Variants in PPP2R1B observed in about 807,000 individuals in gnomAD.
PPP2R1B encodes the protein serine/threonine-protein phosphatase 2A 65 kDa regulatory subunit A beta isoform.
Under a neutral mutation model 72.7 loss-of-function variants are expected in PPP2R1B, and 58 were observed. The ratio of observed to expected loss-of-function variants is 0.80; its 90% CI spans 0.65 to 0.99. The LOEUF (loss-of-function observed/expected upper bound fraction) is 0.99. Among genes scored for constraint, PPP2R1B ranks in the 50% least tolerant of loss-of-function variants. The pLI is 0.00. For missense variants in PPP2R1B, 695 were observed against 733.6 expected (o/e 0.95, Z 0.61); for synonymous variants, 256 against 264.6 (o/e 0.97, Z 0.32).
downstream of PPP2R1B, chr11:111,722,088 T>C: frequency 1.8e-6 from 1 of 550,904 alleles, no homozygotes; most frequent in Non-Finnish European, 3.1e-6. This position sits in a 1 kb window ranked among gnomAD's most constrained non-coding sequence, Gnocchi z 4.4. Flanking sequence ...ACTTGGAGTT[T>C]CTAGAAACGT....
chr11:111,764,214 CTTT>C (rs369985121), intron 3 of PPP2R1B, among the ~76,000 whole-genome samples: 8 of 143,438 alleles, frequency 5.6e-5, no homozygotes, highest in South Asian at 2.3e-4. Context: ...TTTTGGTGGT[CTTT>C]TTTTTTTTTT....
rs1944774863 is a variant in PPP2R1B at position 111,748,237 on chromosome 11, C to A, written c.1339-223G>T. The stretch of plus-strand genomic sequence containing the variant: ...CATACGTGAGCTGGCATAGGCCCTG[C>A]TAGGTAAAAGAGAACAGGGTGGCCA... On this transcript the variant is annotated intron_variant, in intron 10 of 14. Coordinates refer to ENST00000527614, the MANE Select transcript of PPP2R1B (RefSeq NM_002716.5). 2.0e-5 allele frequency among the ~76,000 whole-genome samples: 3 copies of A among 152,158 alleles called. No homozygotes were observed. The South Asian group carries it at 6.2e-4, about 31-fold the overall frequency.
At chr11:111,755,590 CTTT>C (rs1167247279) in intron 5 of PPP2R1B, 140 bp from the exon 6 acceptor site, 6,270 of 444,744 alleles carry the variant, frequency 0.014, no homozygotes, top group South Asian at 0.026. Flanking sequence ...ACATCTTTTT[CTTT>C]TTTTTTTTTT....
At chr11:111,721,179 T>G in the PPP2R1B span, 1 of 1,271,108 alleles carries the variant, frequency 7.9e-7, no homozygotes, top group Admixed American at 2.8e-5. Context: ...ACAGGCTGTT[T>G]GGGAAAACCC....
intron 10 of PPP2R1B, among the ~76,000 whole-genome samples, chr11:111,748,599 G>A (rs1431371542): frequency 5.3e-5 from 8 of 152,206 alleles, no homozygotes; most frequent in African/African-American, 1.9e-4. Flanking sequence ...CTGTCAACAG[G>A]TGGCCACTTC....
chr11:111,739,893 C>T lies in PPP2R1B; in HGVS notation c.*1703G>A. On this transcript the variant is annotated 3_prime_UTR_variant, in exon 15 of 15. Coordinates refer to ENST00000527614, the MANE Select transcript of PPP2R1B (RefSeq NM_002716.5). ...CCCAAAGTCATAAAATAGAAACTTA[C>T]TATAAGGTAATTTGGCAGTTTAAAA... 3.1e-6 allele frequency: 3 copies of T among 981,568 alleles called. No homozygotes were observed. The highest frequency in any genetic ancestry group is 3.6e-6 in the Non-Finnish European group (3 of 826,498). The allele number at this position is 981,568 out of a possible 1,614,324, so 60.8% of individuals were successfully genotyped here. A position where few individuals can be genotyped will look rare whatever the true frequency, so the allele number is the denominator to read the frequency against.
downstream of PPP2R1B, chr11:111,724,205 TA>T (rs1196867178): frequency 6.6e-7 from 1 of 1,517,302 alleles, no homozygotes; most frequent in Non-Finnish European, 8.8e-7. Flanking sequence ...CTTTTAAATT[TA>T]AAGCTTATTT....
downstream of PPP2R1B, chr11:111,723,780 C>T (rs1222749548): frequency 6.2e-6 from 10 of 1,614,014 alleles, no homozygotes; most frequent in Non-Finnish European, 8.5e-6. Context: ...CCCCGGGCTG[C>T]TCCTCCTCTG....
intron 5 of PPP2R1B, 141 bp from the exon 6 acceptor site, chr11:111,755,591 T>A: frequency 2.4e-5 from 3 of 123,444 alleles, no homozygotes; most frequent in Non-Finnish European, 4.2e-5. Flanking sequence ...CATCTTTTTC[T>A]TTTTTTTTTT....
At chr11:111,745,124 TC>T (rs1162193353) in intron 11 of PPP2R1B, among the ~76,000 whole-genome samples, 3 of 146,500 alleles carry the variant, frequency 2.0e-5, no homozygotes, top group Non-Finnish European at 4.5e-5. Flanking sequence ...AGATCTCGGC[TC>T]ACTGCAACCT....
At chr11:111,688,227 C>G in the PPP2R1B span, 1 of 1,534,582 alleles carries the variant, frequency 6.5e-7, no homozygotes, top group Admixed American at 1.7e-5. The surrounding 1 kb of genome is among the most constrained non-coding windows in gnomAD (Gnocchi z 4.2). Flanking sequence ...TGTGTGGAAA[C>G]AGACCTGCAG....
chr11:111,746,369 C>T (rs940279142), intron 11 of PPP2R1B, among the ~76,000 whole-genome samples: 4 of 152,020 alleles, frequency 2.6e-5, no homozygotes, highest in Admixed American at 6.6e-5. Context: ...CAAATTAACG[C>T]GGGAACAGAA....
At chr11:111,714,699 CAAG>C in the PPP2R1B span, among the ~76,000 whole-genome samples, 1 of 152,180 alleles carries the variant, frequency 6.6e-6, no homozygotes, top group Non-Finnish European at 1.5e-5. Flanking sequence ...AGGGCAGATT[CAAG>C]AAGGCCGACC....
intron 5 of PPP2R1B, among the ~76,000 whole-genome samples, chr11:111,757,461 T>C (rs571431082): frequency 4.3e-4 from 65 of 152,316 alleles, no homozygotes; most frequent in African/African-American, 1.4e-3. Flanking sequence ...TACACAGATA[T>C]TTTTGAATTT....
the PPP2R1B span, among the ~76,000 whole-genome samples, chr11:111,715,307 G>GCA: frequency 7.2e-3 from 1,089 of 151,894 alleles, 12 homozygotes; most frequent in African/African-American, 0.024. Flanking sequence ...ATAAATAAGT[G>GCA]CACACACACA....
At chr11:111,737,764 CG>C, downstream of PPP2R1B, 2 of 1,322,222 alleles carry the variant, frequency 1.5e-6, no homozygotes. Flanking sequence ...GCCTTTCCCT[CG>C]GGGCCCTGGA....
chr11:111,703,091 C>A, the PPP2R1B span: 2 of 863,412 alleles, frequency 2.3e-6, no homozygotes, highest in Non-Finnish European at 3.6e-6. Context: ...CTTCTGCTTT[C>A]CAGTAGAGGA....
chr11:111,754,330 G>A (rs1945020968), intron 8 of PPP2R1B, among the ~76,000 whole-genome samples, 169 bp downstream of exon 8: 1 of 152,146 alleles, frequency 6.6e-6, no homozygotes, highest in Non-Finnish European at 1.5e-5. Flanking sequence ...CAATTACAAT[G>A]GGCTAATAAG....
rs1944469315 is a variant in PPP2R1B, at chr11:111,740,135, C to A, written c.*1461G>T. The stretch of plus-strand genomic sequence containing the variant: ...AAAGGGTAACAAGCAAACCTCATAG[C>A]AAGATGCACTGAGAGAAAAATAAAC... On this transcript the variant is annotated 3_prime_UTR_variant, in exon 15 of 15. Transcript: ENST00000527614. 2.0e-6 allele frequency: 2 copies of A among 985,332 alleles called. No homozygotes were observed. Among genetic ancestry groups the A allele is most frequent in the South Asian group, 9.4e-5 (2 of 21,290 alleles). 61.0% of individuals were successfully genotyped at this position (985,332 alleles called of 1,614,324 possible).
Sources: gnomAD v4.1 joint callset for allele counts (sites outside exome capture counted in the v4.1 genomes callset) on GRCh38, gnomAD v4.1.1 for gene constraint, Gnocchi (gnomAD v3.1) non-coding constraint, MANE v1.5 for transcripts, NCBI Gene and HGNC (gene_info 2026-07-23, HGNC 2026-07-21) for gene names.